RAB27B: variants seen among roughly 807,000 people sequenced by gnomAD.
RAB27B encodes ras-related protein Rab-27B.
Under a neutral mutation model 24.6 loss-of-function variants are expected in RAB27B, and 15 were observed. The observed-to-expected ratio is 0.61, with a 90% CI of 0.41 to 0.94. The LOEUF is 0.94. Ranked by LOEUF, RAB27B falls within the 40% of genes least tolerant of loss-of-function variation. RAB27B has a pLI of 0.00. For missense variants in RAB27B, 261 were observed against 266.8 expected, an observed-to-expected ratio of 0.98 and a Z score of 0.15; for synonymous variants, 105 against 92.5, an observed-to-expected ratio of 1.14 and a Z score of -0.78.
At chr18:54,758,084 G>A (rs925710110) in intron 2 of RAB27B, among the ~76,000 whole-genome samples, 16 of 152,116 alleles carry the variant, frequency 1.1e-4, no homozygotes, top group African/African-American at 2.9e-4. Context: ...GCTGTGCTTT[G>A]TAACCTAGGT....
intron 2 of RAB27B, among the ~76,000 whole-genome samples, chr18:54,799,558 G>C (rs556741162): frequency 4.1e-5 from 6 of 147,532 alleles, no homozygotes; most frequent in Non-Finnish European, 8.9e-5. Flanking sequence ...TATTACAAAA[G>C]CAAGGTATAC....
chr18:54,791,738 G>A (rs940717651), intron 2 of RAB27B, among the ~76,000 whole-genome samples: 4 of 152,182 alleles, frequency 2.6e-5, no homozygotes, highest in Non-Finnish European at 4.4e-5. Flanking sequence ...ACTCACAGGC[G>A]GCCAGACGTC....
At position 54,842,522 on chromosome 18, in the gene RAB27B, A is replaced by AG. The variant is rs1398054678; in HGVS notation, c.-20+13822_-20+13823insG. Among the ~76,000 whole-genome samples, 4 of 1,500 alleles carry AG rather than the reference A, an allele frequency of 2.7e-3. No individual in the cohort carries two copies. The Non-Finnish European group carries it at 0.087, about 33-fold the overall frequency. The allele number at this position is 1,500 out of a possible 152,430, so 1.0% of individuals were successfully genotyped here. A position where few individuals can be genotyped will look rare whatever the true frequency, so the allele number is the denominator to read the frequency against. Reference sequence around the variant, plus strand: ...TTATCAGGACATTCTCAAGCCCATCAAGTTTAGAAGATAATATCAAGAAAG... The same window carrying AG: ...TTATCAGGACATTCTCAAGCCCATCAGAGTTTAGAAGATAATATCAAGAAAG... On this transcript the variant is annotated intron_variant, in intron 1 of 5. Transcript: ENST00000262094.
intron 4 of RAB27B, among the ~76,000 whole-genome samples, chr18:54,884,852 G>A (rs572618252): frequency 2.0e-5 from 3 of 152,272 alleles, no homozygotes; most frequent in Admixed American, 1.3e-4. Context: ...TGGCACTGAA[G>A]GTGTGTTAAA....
chr18:54,887,949 A>G, intron 4 of RAB27B, 46 bp from the exon 5 acceptor site: 1 of 1,588,396 alleles, frequency 6.3e-7, no homozygotes, highest in East Asian at 2.3e-5. Context: ...ATTTGACATC[A>G]CTTATTTATC....
chr18:54,872,144 A>G (rs753109359), intron 1 of RAB27B, among the ~76,000 whole-genome samples: 1 of 152,202 alleles, frequency 6.6e-6, no homozygotes, highest in Admixed American at 6.5e-5. Flanking sequence ...GCTTATACGG[A>G]GGAGCCCAGT....
chr18:54,789,753 T>G (rs1024610480), intron 2 of RAB27B, among the ~76,000 whole-genome samples: 1 of 152,092 alleles, frequency 6.6e-6, no homozygotes, highest in Non-Finnish European at 1.5e-5. Context: ...CAAGGACTGG[T>G]TATGTTAAAA....
intron 4 of RAB27B, among the ~76,000 whole-genome samples, chr18:54,887,096 T>C (rs776259361): frequency 8.8e-4 from 98 of 110,778 alleles, no homozygotes; most frequent in Middle Eastern, 0.011. Context: ...TCCTCCCCCC[T>C]CCGCCCACAC....
upstream of RAB27B, among the ~76,000 whole-genome samples, chr18:54,826,784 G>T (rs1910490436): frequency 6.6e-6 from 1 of 152,278 alleles, no homozygotes; most frequent in South Asian, 2.1e-4. Flanking sequence ...CAGATTTACT[G>T]CGACTTTCTC....
chr18:54,768,534 C>G (rs942836719), intron 2 of RAB27B, among the ~76,000 whole-genome samples: 4 of 152,104 alleles, frequency 2.6e-5, no homozygotes, highest in Non-Finnish European at 5.9e-5. Context: ...ATTGTCATCA[C>G]TAAACTACCT....
intron 2 of RAB27B, among the ~76,000 whole-genome samples, chr18:54,752,660 T>C (rs1049340726): frequency 6.6e-6 from 1 of 152,158 alleles, no homozygotes; most frequent in Non-Finnish European, 1.5e-5. Flanking sequence ...AGGTAGGCAA[T>C]TGACTGGAGC....
At chr18:54,798,279 A>G (rs1384397002) in intron 2 of RAB27B, among the ~76,000 whole-genome samples, 1 of 152,214 alleles carries the variant, frequency 6.6e-6, no homozygotes, top group Non-Finnish European at 1.5e-5. Flanking sequence ...CCAACAGGAG[A>G]CCCTGAGGAA....
chr18:54,861,753 G>A (rs1432681185), intron 1 of RAB27B, among the ~76,000 whole-genome samples: 1 of 152,156 alleles, frequency 6.6e-6, no homozygotes, highest in African/African-American at 2.4e-5. Context: ...TTAAATTGGT[G>A]TATGGCCTGG....
chr18:54,867,572 G>C (rs1362147631), intron 1 of RAB27B, among the ~76,000 whole-genome samples: 1 of 150,496 alleles, frequency 6.6e-6, no homozygotes, highest in Non-Finnish European at 1.5e-5. Flanking sequence ...TCAGCCTCCT[G>C]AGTAGCTGGG....
intron 2 of RAB27B, among the ~76,000 whole-genome samples, chr18:54,764,505 A>G (rs1395419015): frequency 1.3e-5 from 2 of 152,206 alleles, no homozygotes; most frequent in East Asian, 1.9e-4. Context: ...TCATATCCAT[A>G]TCTCATTTGG....
At chr18:54,732,182 A>G (rs1909752377) in intron 2 of RAB27B, among the ~76,000 whole-genome samples, 1 of 152,202 alleles carries the variant, frequency 6.6e-6, no homozygotes. Context: ...ATGGCTCAAT[A>G]AAAGAGTGAT....
intron 2 of RAB27B, among the ~76,000 whole-genome samples, chr18:54,724,534 G>A (rs370009482): frequency 6.6e-6 from 1 of 151,222 alleles, no homozygotes. Context: ...GACCAGCCTG[G>A]CCAACATGGT....
At chr18:54,853,695 G>T (rs1192549894) in intron 1 of RAB27B, among the ~76,000 whole-genome samples, 4 of 152,152 alleles carry the variant, frequency 2.6e-5, no homozygotes, top group Non-Finnish European at 5.9e-5. Context: ...ATACAGTGGG[G>T]TTTTTTAATG....
intron 2 of RAB27B, among the ~76,000 whole-genome samples, chr18:54,803,679 G>A (rs1201434411): frequency 6.6e-6 from 1 of 152,126 alleles, no homozygotes; most frequent in Non-Finnish European, 1.5e-5. Context: ...AACAGACTTG[G>A]GATATGTCTT....
Sources: gnomAD v4.1 joint callset for allele counts (sites outside exome capture counted in the v4.1 genomes callset) on GRCh38, gnomAD v4.1.1 for gene constraint, MANE v1.5 for transcripts, NCBI Gene and HGNC (gene_info 2026-07-23, HGNC 2026-07-21) for gene names.